The following PTDSS1 variants were observed in gnomAD, a reference collection of about 807,000 sequenced individuals.
The protein encoded by PTDSS1 is phosphatidylserine synthase 1, also known as PSS-1.
In PTDSS1, 45 loss-of-function variants were observed where a neutral mutation model predicts 70.5. That is an observed-to-expected ratio of 0.64 (90% CI 0.50 to 0.82). The LOEUF is 0.82. Ranked by LOEUF, PTDSS1 falls within the 40% of genes least tolerant of loss-of-function variation. PTDSS1 has a pLI of 0.00. For missense variants in PTDSS1, 417 were observed against 586.1 expected (o/e 0.71, Z 2.98); for synonymous variants, 188 against 203.8 (o/e 0.92, Z 0.66).
At chr8:96,295,795 A>G (rs1196955040) in intron 5 of PTDSS1, among the ~76,000 whole-genome samples, 1 of 152,178 alleles carries the variant, frequency 6.6e-6, no homozygotes, top group Non-Finnish European at 1.5e-5. Flanking sequence ...CTAACTCATT[A>G]TTGTTCTATT....
intron 8 of PTDSS1, 60 bp downstream of exon 8, chr8:96,306,616 T>C: frequency 7.5e-7 from 1 of 1,326,072 alleles, no homozygotes; most frequent in Admixed American, 1.8e-5. Context: ...GATTGTCCTG[T>C]TTAGCATAAG....
intron 9 of PTDSS1, among the ~76,000 whole-genome samples, chr8:96,310,963 A>T (rs1811203617): frequency 6.6e-6 from 1 of 151,920 alleles, no homozygotes; most frequent in Admixed American, 6.6e-5. Flanking sequence ...ATGGGGTTTC[A>T]CCATGTTGGC....
intron 1 of PTDSS1, among the ~76,000 whole-genome samples, chr8:96,271,874 A>G (rs1268959268): frequency 6.6e-6 from 1 of 150,418 alleles, no homozygotes; most frequent in African/African-American, 2.5e-5. Flanking sequence ...TCAATAAGGT[A>G]GACTTTTAAA....
chr8:96,295,187 C>T lies in PTDSS1; in HGVS notation c.531C>T (p.Ala177=). The T allele has an allele frequency of 1.2e-6, 2 of 1,614,174 alleles. No individual in the cohort carries two copies. Among genetic ancestry groups the T allele is most frequent in the Non-Finnish European group, 1.7e-6 (2 of 1,180,030 alleles). The stretch of plus-strand genomic sequence containing the variant: ...CATTTGGACATTTCTGGGGCTGGGC[C>T]ATGAAGGCCTTGCTGATCCGTAGTT... ...IFAFGHFWGW[A]MKALLIRSYG... The change falls in exon 5 of 13, where the codon GCC becomes GCT. Residue 177 remains alanine, a synonymous_variant. Coordinates refer to ENST00000517309, the MANE Select transcript of PTDSS1 (RefSeq NM_014754.3).
In PTDSS1 at chr8:96,330,236, G is replaced by C. The variant is rs1017220764; in HGVS notation, c.1197G>C (p.Leu399=). 3.1e-6 allele frequency: 5 copies of C among 1,613,106 alleles called. No homozygotes were observed. In the African/African-American group the frequency reaches 4.0e-5, roughly 13 times the overall value. ...LCVAFTTFLC[L]YGMIWYAEHY... ...AGGCTTTCACCACTTTCCTCTGTCT[G>C]TACGGCATGATTTGGTATGCAGAAC... The change falls in exon 11 of 13, where the codon CTG becomes CTC. Residue 399 remains leucine (L), a synonymous_variant. Transcript: ENST00000517309.
intron 9 of PTDSS1, among the ~76,000 whole-genome samples, chr8:96,319,637 A>G (rs1811347080): frequency 6.6e-6 from 1 of 152,152 alleles, no homozygotes; most frequent in South Asian, 2.1e-4. Flanking sequence ...AATGCCTTCA[A>G]ATTATTGAAA....
intron 10 of PTDSS1, among the ~76,000 whole-genome samples, chr8:96,329,893 C>T (rs1586212633): frequency 6.6e-6 from 1 of 152,156 alleles, no homozygotes; most frequent in East Asian, 1.9e-4. Flanking sequence ...ACATAGAATC[C>T]TCTCTATCTT....
chr8:96,265,994 G>A (rs1810480610), intron 1 of PTDSS1, among the ~76,000 whole-genome samples: 1 of 152,242 alleles, frequency 6.6e-6, no homozygotes, highest in African/African-American at 2.4e-5. Flanking sequence ...TGTTAGCAAA[G>A]TAGGGCAAGG....
At chr8:96,286,132 G>A (rs1810819248) in intron 3 of PTDSS1, among the ~76,000 whole-genome samples, 1 of 152,152 alleles carries the variant, frequency 6.6e-6, no homozygotes, top group Non-Finnish European at 1.5e-5. Context: ...GTGGCTCACT[G>A]GAGATTAGTG....
chr8:96,335,739 G>T lies in PTDSS1; in HGVS notation c.*2173G>T, dbSNP rs1370446987. ...AGTTACAAAACCAGTGCTTTCCATG[G>T]CTGGCCAGAACCACAGCTGCTATTC... is the stretch of plus-strand genomic sequence containing the variant. On this transcript the variant is annotated 3_prime_UTR_variant, in exon 13 of 13. Coordinates refer to ENST00000517309, the MANE Select transcript of PTDSS1 (RefSeq NM_014754.3). 1 of 152,176 alleles carries T rather than the reference G, an allele frequency of 6.6e-6. No homozygotes were observed. The highest frequency in any genetic ancestry group is 1.5e-5 in the Non-Finnish European group (1 of 68,034). The allele number at this position is 152,176 out of a possible 1,614,324, so 9.4% of individuals were successfully genotyped here. A position where few individuals can be genotyped will look rare whatever the true frequency, so the allele number is the denominator to read the frequency against.
intron 5 of PTDSS1, among the ~76,000 whole-genome samples, chr8:96,299,056 A>T (rs1173469789): frequency 6.6e-6 from 1 of 151,940 alleles, no homozygotes; most frequent in Non-Finnish European, 1.5e-5. Flanking sequence ...AAAAAAAAAA[A>T]ATACAACATC....
At chr8:96,330,106 C>A in intron 10 of PTDSS1, 107 bp from the exon 11 acceptor site, 1 of 1,076,696 alleles carries the variant, frequency 9.3e-7, no homozygotes, top group Non-Finnish European at 1.4e-6. Context: ...AACCGGCGTC[C>A]AGACGGCAGA....
chr8:96,262,358 G>T lies in PTDSS1; in HGVS notation c.179+139G>T. Reference sequence around the variant, plus strand: ...CTCCACGCACACGCACTGGCAGCCCGCCGCCCACGCGGCCCCTCCGCCCGC... The same window carrying T: ...CTCCACGCACACGCACTGGCAGCCCTCCGCCCACGCGGCCCCTCCGCCCGC... On this transcript the variant is annotated intron_variant, in intron 1 of 12. Transcript: ENST00000517309. This position sits in a 1 kb window ranked among gnomAD's most constrained non-coding sequence, Gnocchi z 4.4. 8.6e-7 allele frequency: 1 copy of T among 1,162,342 alleles called. No individual in the cohort carries two copies. The highest frequency in any genetic ancestry group is 1.2e-6 in the Non-Finnish European group (1 of 851,748). The allele number at this position is 1,162,342 out of a possible 1,614,324, so 72.0% of individuals were successfully genotyped here.
intron 10 of PTDSS1, 102 bp downstream of exon 10, chr8:96,320,447 G>C: frequency 9.9e-7 from 1 of 1,014,468 alleles, no homozygotes. Context: ...AAGTTCCTTA[G>C]AAATTCATAA....
chr8:96,319,044 G>C (rs1811336450), intron 9 of PTDSS1, among the ~76,000 whole-genome samples: 2 of 151,120 alleles, frequency 1.3e-5, no homozygotes, highest in Admixed American at 6.6e-5. Flanking sequence ...CTCCCGAGTA[G>C]CTGGGACTAC....
At chr8:96,293,951 G>A (rs898611877) in intron 4 of PTDSS1, among the ~76,000 whole-genome samples, 1 of 152,198 alleles carries the variant, frequency 6.6e-6, no homozygotes, top group Non-Finnish European at 1.5e-5. Flanking sequence ...TGACAAGAAC[G>A]TGCTGTTCCA....
chr8:96,331,719 C>T (rs1216071831), intron 12 of PTDSS1, among the ~76,000 whole-genome samples: 4 of 152,118 alleles, frequency 2.6e-5, no homozygotes, highest in African/African-American at 4.8e-5. Context: ...CTGATGGGAA[C>T]GTTCTTCCTC....
In PTDSS1 at chr8:96,330,955, C is replaced by G. The variant is rs547714921; in HGVS notation, c.1243-71C>G. ...GGGAGAGGCAGGGATGCAGCATGCT[C>G]GCCTTTTTGCCCTGCCACTTCTCCC... On this transcript the variant is annotated intron_variant, in intron 11 of 12. Coordinates refer to ENST00000517309, the MANE Select transcript of PTDSS1 (RefSeq NM_014754.3). 5.9e-6 allele frequency: 8 copies of G among 1,347,586 alleles called. No individual in the cohort carries two copies. In the African/African-American group the frequency reaches 1.0e-4, roughly 17 times the overall value. The allele number at this position is 1,347,586 out of a possible 1,614,324, so 83.5% of individuals were successfully genotyped here.
intron 10 of PTDSS1, among the ~76,000 whole-genome samples, chr8:96,325,867 C>T (rs1056754149): frequency 2.6e-5 from 4 of 152,130 alleles, no homozygotes; most frequent in Non-Finnish European, 4.4e-5. Flanking sequence ...AGTGAGAATT[C>T]ACCTTTTTCA....
Sources: allele counts gnomAD v4.1 joint callset (sites outside exome capture counted in the v4.1 genomes callset), GRCh38; gene constraint gnomAD v4.1.1; non-coding constraint Gnocchi (gnomAD v3.1); transcripts MANE v1.5; gene names NCBI Gene and HGNC (gene_info 2026-07-23, HGNC 2026-07-21).